RGS7: variants seen among roughly 807,000 people sequenced by gnomAD.
RGS7 encodes the protein regulator of G protein signaling 7.
RGS7 carries 27 observed loss-of-function variants against 81.1 expected under a neutral mutation model. That is an observed-to-expected ratio of 0.33 (90% CI 0.25 to 0.46). RGS7 has a LOEUF of 0.46. Among genes scored for constraint, RGS7 ranks in the 20% least tolerant of loss-of-function variants. The pLI, the probability that RGS7 is intolerant of heterozygous loss-of-function variation, is 1.00. For missense variants in RGS7, 396 were observed against 607.4 expected (o/e 0.65, Z 3.66); for synonymous variants, 208 against 207.7 (o/e 1.00, Z -0.01).
At chr1:240,828,139 G>C (rs1693200125) in intron 9 of RGS7, among the ~76,000 whole-genome samples, 1 of 152,170 alleles carries the variant, frequency 6.6e-6, no homozygotes, top group Non-Finnish European at 1.5e-5. Flanking sequence ...TTTTCCTTAA[G>C]GGCAGGTGAA....
At chr1:241,257,203 C>T (rs2077095710) in intron 2 of RGS7, among the ~76,000 whole-genome samples, 1 of 152,020 alleles carries the variant, frequency 6.6e-6, no homozygotes, top group South Asian at 2.1e-4. Flanking sequence ...ATCAAGGTGC[C>T]AGCAGATTCA....
chr1:241,056,926 G>A (rs1251138732), intron 3 of RGS7, among the ~76,000 whole-genome samples: 2 of 152,082 alleles, frequency 1.3e-5, no homozygotes, highest in South Asian at 2.1e-4. Context: ...TTTTCTTACT[G>A]TCCTGGGTAC....
chr1:241,225,520 T>C (rs2075264997), intron 2 of RGS7, among the ~76,000 whole-genome samples: 1 of 152,212 alleles, frequency 6.6e-6, no homozygotes, highest in South Asian at 2.1e-4. Context: ...CCTCAGCACT[T>C]GGTACATAGT....
intron 14 of RGS7, 29 bp from the exon 15 acceptor site, chr1:240,806,355 C>T (rs1292276131): frequency 2.5e-6 from 4 of 1,604,764 alleles, no homozygotes; most frequent in Non-Finnish European, 3.4e-6. Flanking sequence ...CGGGTGTTTA[C>T]TCTGATGGCC....
intron 2 of RGS7, among the ~76,000 whole-genome samples, chr1:241,318,902 C>G (rs919782464): frequency 6.6e-6 from 1 of 152,036 alleles, no homozygotes; most frequent in Non-Finnish European, 1.5e-5. Flanking sequence ...CTGGACTTAG[C>G]CCTTTAAAAA....
At chr1:241,081,459 G>C (rs1222640088) in intron 3 of RGS7, among the ~76,000 whole-genome samples, 1 of 152,232 alleles carries the variant, frequency 6.6e-6, no homozygotes, top group African/African-American at 2.4e-5. Context: ...TGCCAAAACA[G>C]TCCCAAACAC....
At chr1:240,977,049 T>C (rs147733905) in intron 4 of RGS7, among the ~76,000 whole-genome samples, 30 of 151,608 alleles carry the variant, frequency 2.0e-4, no homozygotes, top group Non-Finnish European at 3.4e-4. Flanking sequence ...ATCATTTATC[T>C]ATTTATATCT....
At chr1:241,340,911 G>A (rs1302075596) in intron 2 of RGS7, among the ~76,000 whole-genome samples, 1 of 152,162 alleles carries the variant, frequency 6.6e-6, no homozygotes, top group Admixed American at 6.5e-5. Flanking sequence ...AAAAGGCAAA[G>A]AGGATATTTT....
chr1:241,140,066 C>T (rs577978578), intron 2 of RGS7, among the ~76,000 whole-genome samples: 1 of 152,300 alleles, frequency 6.6e-6, no homozygotes, highest in Admixed American at 6.5e-5. Flanking sequence ...GCTCTTCTCT[C>T]TTGTCTCCCC....
intron 4 of RGS7, among the ~76,000 whole-genome samples, chr1:240,957,920 C>A (rs1395178891): frequency 6.6e-6 from 1 of 152,144 alleles, no homozygotes; most frequent in South Asian, 2.1e-4. Flanking sequence ...CAAAGAAACA[C>A]ATAGGATGAA....
At position 240,806,267 on chromosome 1, in the gene RGS7, A is replaced by T; in HGVS notation, c.1142T>A (p.Val381Asp). 1 of 1,613,724 alleles carries T rather than the reference A, an allele frequency of 6.2e-7. No individual in the cohort carries two copies. Among genetic ancestry groups the T allele is most frequent in the Admixed American group, 1.7e-5 (1 of 59,960 alleles). Reference protein sequence around the residue: ...KRPIKEVPSRVQEIWQEFLAP... With the variant: ...KRPIKEVPSRDQEIWQEFLAP... Reference sequence around the variant, plus strand: ...CAGAAACTCTTGCCATATTTCCTGAACTCTTGAGGGTACTTCTTTAATAGG... The same window carrying T: ...CAGAAACTCTTGCCATATTTCCTGATCTCTTGAGGGTACTTCTTTAATAGG... Residue 381 changes from valine (V) to aspartate (D), a missense_variant, in exon 15 of 19, where the codon GTT (valine) becomes GAT (aspartate). Physicochemically the swap from Val to Asp is radical, Grantham distance 152 (BLOSUM62 -3). Coordinates refer to ENST00000440928, the MANE Select transcript of RGS7 (RefSeq NM_001364886.1).
chr1:241,160,655 A>G (rs2069574902), intron 2 of RGS7, among the ~76,000 whole-genome samples: 2 of 152,224 alleles, frequency 1.3e-5, no homozygotes, highest in African/African-American at 4.8e-5. Flanking sequence ...TCCCTGTATT[A>G]TCAATTGTAC....
intron 2 of RGS7, among the ~76,000 whole-genome samples, chr1:241,200,013 A>C (rs2073379191): frequency 6.6e-6 from 1 of 152,240 alleles, no homozygotes; most frequent in Admixed American, 6.5e-5. Flanking sequence ...AAAATTATAC[A>C]ATGTAATAAC....
intron 3 of RGS7, among the ~76,000 whole-genome samples, chr1:241,016,853 A>C (rs2059273838): frequency 1.3e-5 from 2 of 152,060 alleles, no homozygotes; most frequent in Non-Finnish European, 2.9e-5. Flanking sequence ...TCAGATAAAA[A>C]TCTATCATCT....
intron 4 of RGS7, among the ~76,000 whole-genome samples, chr1:240,961,003 A>G (rs1329934902): frequency 6.6e-6 from 1 of 152,228 alleles, no homozygotes; most frequent in Non-Finnish European, 1.5e-5. Flanking sequence ...AAGTGGGATA[A>G]AAGGACAAAA....
chr1:241,235,560 CTTCT>C (rs2075886082), intron 2 of RGS7, among the ~76,000 whole-genome samples: 2 of 152,012 alleles, frequency 1.3e-5, no homozygotes, highest in Admixed American at 1.3e-4. Flanking sequence ...TTGTAGAATG[CTTCT>C]TTTTCTTTTC....
At chr1:241,214,481 T>A (rs915456519) in intron 2 of RGS7, among the ~76,000 whole-genome samples, 15 of 152,108 alleles carry the variant, frequency 9.9e-5, no homozygotes, top group Admixed American at 6.5e-4. Context: ...CTTCAGCAGA[T>A]CTGCTTAAGG....
At chr1:241,246,046 A>G (rs2076522064) in intron 2 of RGS7, among the ~76,000 whole-genome samples, 1 of 151,178 alleles carries the variant, frequency 6.6e-6, no homozygotes, top group Admixed American at 6.6e-5. Context: ...GGAGCTTGCA[A>G]TGAGCTGAGA....
At chr1:241,321,243 G>C (rs995070917) in intron 2 of RGS7, among the ~76,000 whole-genome samples, 9 of 152,134 alleles carry the variant, frequency 5.9e-5, no homozygotes, top group Admixed American at 2.0e-4. Context: ...GACTAACAAA[G>C]TCACTTTTAG....
Sources: allele counts gnomAD v4.1 joint callset (sites outside exome capture counted in the v4.1 genomes callset), GRCh38; gene constraint gnomAD v4.1.1; transcripts MANE v1.5; gene names NCBI Gene and HGNC (gene_info 2026-07-23, HGNC 2026-07-21).